Variants in IKZF2 observed in about 807,000 individuals in gnomAD.
IKZF2 encodes zinc finger protein Helios.
IKZF2 carries 15 observed loss-of-function variants against 49.2 expected under a neutral mutation model. The ratio of observed to expected loss-of-function variants is 0.30; its 90% CI spans 0.20 to 0.47. The LOEUF (loss-of-function observed/expected upper bound fraction) is 0.47, where lower values mean the gene tolerates loss of function less well. IKZF2 is among the 20% of genes least tolerant of loss of function. IKZF2 has a pLI of 1.00. For missense variants in IKZF2, 567 were observed against 664.6 expected (o/e 0.85, Z 1.61); for synonymous variants, 227 against 221.4 (o/e 1.03, Z -0.23).
In IKZF2 at chr2:213,007,986, G is replaced by T. The variant is rs773841007; in HGVS notation, c.955C>A (p.Gln319Lys). 1 of 1,613,334 alleles carries T rather than the reference G, an allele frequency of 6.2e-7. No homozygotes were observed. The highest frequency in any genetic ancestry group is 2.2e-5 in the East Asian group (1 of 44,836). Residue 319 changes from glutamine (Q) to lysine (K), a missense_variant, in exon 9 of 9, where the codon CAA (glutamine) becomes AAA (lysine). Transcript: ENST00000434687. ...TAGGTGATTGCATTGTTGATGGCTT[G>T]GTCCATCATATGAGACTGCATCAGC... Reference protein sequence around the residue: ...AELMQSHMMDQAINNAITYLG... With the variant: ...AELMQSHMMDKAINNAITYLG...
At chr2:213,146,968 A>G (rs577759704) in intron 4 of IKZF2, among the ~76,000 whole-genome samples, 1 of 152,116 alleles carries the variant, frequency 6.6e-6, no homozygotes, top group Non-Finnish European at 1.5e-5. Flanking sequence ...AAACTGATAA[A>G]ATATTATAAT....
At chr2:213,152,395 C>T (rs2061306856), upstream of IKZF2, 1 of 152,242 alleles carries the variant, frequency 6.6e-6, no homozygotes, top group Non-Finnish European at 1.5e-5. Flanking sequence ...TAAGAGGGGT[C>T]CTGGGGAATA....
chr2:213,044,965 A>T (rs1042282934), intron 6 of IKZF2, among the ~76,000 whole-genome samples: 2 of 152,200 alleles, frequency 1.3e-5, no homozygotes, highest in African/African-American at 4.8e-5. Context: ...AGGTATAGTT[A>T]ATATACATAA....
chr2:213,086,935 G>A (rs1220827023), intron 4 of IKZF2, among the ~76,000 whole-genome samples: 1 of 152,122 alleles, frequency 6.6e-6, no homozygotes, highest in Non-Finnish European at 1.5e-5. Flanking sequence ...AAAACAGACT[G>A]TGGTTTTATT....
At chr2:213,030,791 G>T (rs1574545406) in intron 6 of IKZF2, among the ~76,000 whole-genome samples, 1 of 150,874 alleles carries the variant, frequency 6.6e-6, no homozygotes. Context: ...CAAAAAAAAA[G>T]CCAGCATTAG....
chr2:213,147,727 T>C lies in IKZF2; in HGVS notation c.120A>G (p.Ser40=). ...ACTTACTGCTTGTCATGTGACTTGG[T>C]GAGGCATGCTGTCCATTGGGTGTGC... is the stretch of plus-strand genomic sequence containing the variant. The part of the protein sequence containing the change: ...TSSTPNGQHA[S]PSHMTSTNSV... The change falls in exon 4 of 9, where the codon TCA becomes TCG. Residue 40 remains serine (S), a synonymous_variant. Coordinates refer to ENST00000434687, the MANE Select transcript of IKZF2 (RefSeq NM_001387220.1). 1 of 1,613,768 alleles carries C rather than the reference T, an allele frequency of 6.2e-7. No homozygotes were observed. Among genetic ancestry groups the C allele is most frequent in the Non-Finnish European group, 8.5e-7 (1 of 1,179,618 alleles).
intron 8 of IKZF2, among the ~76,000 whole-genome samples, chr2:213,012,498 C>G (rs1696073890): frequency 6.6e-6 from 1 of 151,850 alleles, no homozygotes; most frequent in Non-Finnish European, 1.5e-5. Flanking sequence ...TAAACTGGCT[C>G]TTTATTTCTT....
intron 8 of IKZF2, among the ~76,000 whole-genome samples, chr2:213,010,815 T>C (rs182086768): frequency 3.3e-5 from 5 of 152,204 alleles, no homozygotes; most frequent in Admixed American, 3.3e-4. Flanking sequence ...TGCATATTTA[T>C]TTGAACTTAG....
chr2:213,033,842 G>C (rs1698734449), intron 6 of IKZF2, among the ~76,000 whole-genome samples: 1 of 152,188 alleles, frequency 6.6e-6, no homozygotes. Context: ...CCTACCAAGA[G>C]AGTCAGCCTG....
chr2:213,022,133 G>A lies in IKZF2; in HGVS notation c.575-3C>T. 6.2e-7 allele frequency: 1 copy of A among 1,600,952 alleles called. No individual in the cohort carries two copies. Among genetic ancestry groups the A allele is most frequent in the Non-Finnish European group, 8.5e-7 (1 of 1,174,058 alleles). The stretch of plus-strand genomic sequence containing the variant: ...GTTGCACTTGTGAGGTTTACCCACT[G>A]TGAAGAGAACTCAAGGTCAGTGTGC... On this transcript the variant is annotated splice_polypyrimidine_tract_variant and splice_region_variant and intron_variant, in intron 6 of 8. Transcript: ENST00000434687.
intron 4 of IKZF2, among the ~76,000 whole-genome samples, chr2:213,134,920 C>T (rs920691249): frequency 6.6e-6 from 1 of 152,174 alleles, no homozygotes; most frequent in Non-Finnish European, 1.5e-5. Context: ...GCTTGTCCTC[C>T]ACTTCTGAAT....
intron 4 of IKZF2, among the ~76,000 whole-genome samples, chr2:213,106,844 G>A (rs995373781): frequency 6.6e-6 from 1 of 151,932 alleles, no homozygotes; most frequent in Non-Finnish European, 1.5e-5. Flanking sequence ...TATTTAACAT[G>A]TGATTAATAT....
At chr2:213,111,493 G>A (rs2059701297) in intron 4 of IKZF2, among the ~76,000 whole-genome samples, 1 of 151,790 alleles carries the variant, frequency 6.6e-6, no homozygotes, top group African/African-American at 2.4e-5. Flanking sequence ...TGCAGTTTAT[G>A]GATACAAAAC....
At chr2:213,074,436 T>C (rs552472592) in intron 4 of IKZF2, among the ~76,000 whole-genome samples, 1 of 152,226 alleles carries the variant, frequency 6.6e-6, no homozygotes, top group African/African-American at 2.4e-5. Context: ...ACACAGAAAA[T>C]GTATCTTAAA....
intron 4 of IKZF2, among the ~76,000 whole-genome samples, chr2:213,097,195 G>C (rs1228254063): frequency 6.6e-6 from 1 of 151,700 alleles, no homozygotes; most frequent in African/African-American, 2.4e-5. Flanking sequence ...AATCATTCTA[G>C]TTAACTATGG....
intron 7 of IKZF2, among the ~76,000 whole-genome samples, chr2:213,015,911 C>T (rs531596019): frequency 1.1e-4 from 16 of 152,090 alleles, no homozygotes; most frequent in African/African-American, 3.9e-4. Context: ...CTAAGTTTCA[C>T]CCTGAATTTT....
At chr2:213,048,587 G>A (rs978682562) in intron 6 of IKZF2, among the ~76,000 whole-genome samples, 1 of 151,986 alleles carries the variant, frequency 6.6e-6, no homozygotes, top group Non-Finnish European at 1.5e-5. Context: ...AACATAAAAT[G>A]TTGTAGTTGG....
chr2:213,048,345 A>C (rs2125321606), intron 6 of IKZF2, among the ~76,000 whole-genome samples: 1 of 152,262 alleles, frequency 6.6e-6, no homozygotes, highest in South Asian at 2.1e-4. Flanking sequence ...AACAAAAATA[A>C]GATGGATGTT....
intron 6 of IKZF2, among the ~76,000 whole-genome samples, chr2:213,026,911 T>A (rs2125145818): frequency 6.6e-6 from 1 of 152,292 alleles, no homozygotes; most frequent in East Asian, 1.9e-4. Context: ...CTCAGCATTC[T>A]GAGTCCTTTT....
Sources: gnomAD v4.1 joint callset for allele counts (sites outside exome capture counted in the v4.1 genomes callset) on GRCh38, gnomAD v4.1.1 for gene constraint, MANE v1.5 for transcripts, NCBI Gene and HGNC (gene_info 2026-07-23, HGNC 2026-07-21) for gene names.